IGSF23: variants seen among roughly 807,000 people sequenced by gnomAD.
The protein encoded by IGSF23 is immunoglobulin superfamily, member 23.
In IGSF23, 14 loss-of-function variants were observed where a neutral mutation model predicts 17.8. That is an observed-to-expected ratio of 0.79 (90% CI 0.52 to 1.23). The LOEUF is 1.23. IGSF23 is among the 50% of genes most tolerant of loss of function. The pLI, the probability that IGSF23 is intolerant of heterozygous loss-of-function variation, is 0.00. For synonymous variants in IGSF23, 85 were observed against 92.5 expected (o/e 0.92, Z 0.46); for missense variants, 214 against 241.7 (o/e 0.89, Z 0.76).
intron 4 of IGSF23, 132 bp from the exon 5 acceptor site, chr19:44,636,287 C>G (rs958116701): frequency 1.3e-5 from 2 of 152,110 alleles, no homozygotes; most frequent in African/African-American, 4.8e-5. Context: ...TTGCAATCTA[C>G]GAAGAAATGT....
In IGSF23 at chr19:44,616,627, G is replaced by A. The variant is rs1469337621; in HGVS notation, c.125+2857G>A. Reference sequence around the variant, plus strand: ...CAGGGGAATCACTTGAACCCGGGAGGTGGAGCTTGCAGTGAGCCGAGATTG... The same window carrying A: ...CAGGGGAATCACTTGAACCCGGGAGATGGAGCTTGCAGTGAGCCGAGATTG... On this transcript the variant is annotated intron_variant, in intron 1 of 4. Coordinates refer to ENST00000402988, the MANE Select transcript of IGSF23 (RefSeq NM_001205280.2). 4.0e-5 allele frequency among the ~76,000 whole-genome samples: 6 copies of A among 150,754 alleles called. No homozygotes were observed. The East Asian group carries it at 7.9e-4, about 20-fold the overall frequency.
intron 3 of IGSF23, among the ~76,000 whole-genome samples, chr19:44,629,790 T>C (rs1972729131): frequency 6.6e-6 from 1 of 151,892 alleles, no homozygotes; most frequent in South Asian, 2.1e-4. Context: ...GGCACCACCA[T>C]GCCCAGCCAA....
chr19:44,624,899 CAAAAAA>C (rs71171273), intron 2 of IGSF23, among the ~76,000 whole-genome samples: 4 of 87,742 alleles, frequency 4.6e-5, no homozygotes, highest in African/African-American at 2.3e-4. Context: ...CTGTCTCTAC[CAAAAAA>C]AAAAAAAAAA....
At position 44,627,561 on chromosome 19, in the gene IGSF23, T is replaced by C; in HGVS notation, c.533T>C (p.Ile178Thr). Residue 178 changes from isoleucine to threonine, a missense_variant, in exon 3 of 5, where the codon ATC becomes ACC. Transcript: ENST00000402988. ...ATTGCAGGCATGTGTTTCATCATCA[T>C]CCAGAGCCTAAGGTACCTCTATCCC... ...ALIAGMCFII[I>T]QSLRTDRQRI... 1 of 1,550,264 alleles carries C rather than the reference T, an allele frequency of 6.5e-7. No homozygotes were observed. The highest frequency in any genetic ancestry group is 1.2e-5 in the South Asian group (1 of 84,012).
At chr19:44,635,261 G>T in intron 3 of IGSF23, 140 bp from the exon 4 acceptor site, 1 of 671,160 alleles carries the variant, frequency 1.5e-6, no homozygotes, top group Non-Finnish European at 2.5e-6. Flanking sequence ...TGTGTCTGAA[G>T]AATCTATCTC....
At chr19:44,622,805 A>C (rs1972549752) in intron 1 of IGSF23, among the ~76,000 whole-genome samples, 2 of 150,950 alleles carry the variant, frequency 1.3e-5, no homozygotes, top group East Asian at 1.9e-4. Context: ...GCTCACACCC[A>C]TCTCAGGGCC....
At chr19:44,619,525 C>T (rs115453767) in intron 1 of IGSF23, among the ~76,000 whole-genome samples, 3,572 of 152,248 alleles carry the variant, frequency 0.023, 143 homozygotes, top group African/African-American at 0.081. Context: ...GAAGATAGTC[C>T]AGAGACTGTC....
At chr19:44,636,382 G>A (rs2123731563) in intron 4 of IGSF23, 37 bp from the exon 5 acceptor site, 1 of 150,416 alleles carries the variant, frequency 6.6e-6, no homozygotes, top group Admixed American at 6.6e-5. Flanking sequence ...CTTTCCTCCT[G>A]CATGTGGAAT....
intron 1 of IGSF23, among the ~76,000 whole-genome samples, chr19:44,619,158 A>G (rs1462730667): frequency 6.6e-6 from 1 of 152,124 alleles, no homozygotes; most frequent in African/African-American, 2.4e-5. Context: ...AGAGAGTCAG[A>G]GAGGAAGTGC....
chr19:44,614,942 C>T (rs1038006458), intron 1 of IGSF23, among the ~76,000 whole-genome samples: 1 of 152,172 alleles, frequency 6.6e-6, no homozygotes, highest in African/African-American at 2.4e-5. Flanking sequence ...CCAGAGACCA[C>T]ACACATCTGC....
chr19:44,615,484 G>A (rs982578664), intron 1 of IGSF23, among the ~76,000 whole-genome samples: 12 of 151,250 alleles, frequency 7.9e-5, no homozygotes, highest in Admixed American at 5.3e-4. Context: ...TTAGCTGGGC[G>A]TGGTGGTGCA....
intron 1 of IGSF23, among the ~76,000 whole-genome samples, chr19:44,617,143 G>A (rs1244469230): frequency 6.7e-6 from 1 of 150,020 alleles, no homozygotes; most frequent in East Asian, 1.9e-4. Flanking sequence ...TAATCTTCCA[G>A]CCTTGCCCCA....
chr19:44,615,814 G>A (rs1204964788), intron 1 of IGSF23, among the ~76,000 whole-genome samples: 2 of 148,632 alleles, frequency 1.3e-5, no homozygotes, highest in Non-Finnish European at 3.0e-5. Flanking sequence ...GCAGAGGGGA[G>A]GAAGGAAAGA....
intron 1 of IGSF23, among the ~76,000 whole-genome samples, chr19:44,618,732 A>C (rs62119261): frequency 0.028 from 4,329 of 152,220 alleles, 96 homozygotes; most frequent in South Asian, 0.071. Context: ...TTGTTCACTC[A>C]GCAATGGAAG....
chr19:44,634,975 G>C (rs1013789817), intron 3 of IGSF23, among the ~76,000 whole-genome samples: 9 of 152,094 alleles, frequency 5.9e-5, no homozygotes, highest in Admixed American at 6.6e-5. Context: ...GTATTAGTTT[G>C]CTCCAGCTGC....
At chr19:44,623,323 G>C (rs1224710844) in intron 1 of IGSF23, among the ~76,000 whole-genome samples, 1 of 152,248 alleles carries the variant, frequency 6.6e-6, no homozygotes, top group African/African-American at 2.4e-5. Context: ...GGTGTGGAAT[G>C]ACTCTGCAGA....
intron 3 of IGSF23, among the ~76,000 whole-genome samples, chr19:44,629,989 C>T (rs953689355): frequency 4.6e-5 from 7 of 151,872 alleles, no homozygotes; most frequent in Admixed American, 4.6e-4. Flanking sequence ...GATCTCATTT[C>T]AGTCCAGAGA....
chr19:44,618,114 G>A (rs1235256129), intron 1 of IGSF23: 2 of 470,962 alleles, frequency 4.2e-6, no homozygotes, highest in Admixed American at 4.7e-5. Context: ...TGCCTTCTCA[G>A]AGCTGCCCTT....
At chr19:44,622,408 T>C (rs1273763145) in intron 1 of IGSF23, among the ~76,000 whole-genome samples, 1 of 152,082 alleles carries the variant, frequency 6.6e-6, no homozygotes. Flanking sequence ...AAGTGGAAGT[T>C]CCCAGCACAG....
Sources: gnomAD v4.1 joint callset for allele counts (sites outside exome capture counted in the v4.1 genomes callset) on GRCh38, gnomAD v4.1.1 for gene constraint, MANE v1.5 for transcripts, NCBI Gene and HGNC (gene_info 2026-07-23, HGNC 2026-07-21) for gene names.